Variants in FANCA observed in about 807,000 individuals in gnomAD.
FANCA encodes Fanconi anemia group A protein.
In FANCA, 236 loss-of-function variants were observed where a neutral mutation model predicts 194.3. The observed-to-expected ratio is 1.21, with a 90% confidence interval of 1.09 to 1.35. FANCA has a LOEUF of 1.35. Among genes scored for constraint, FANCA ranks in the 40% most tolerant of loss-of-function variants. FANCA has a pLI of 0.00. For missense variants in FANCA, 2,628 were observed against 1,813.9 expected, an observed-to-expected ratio of 1.45 and a Z score of -8.15; for synonymous variants, 1,014 against 715.8, an observed-to-expected ratio of 1.42 and a Z score of -6.65.
At position 89,790,418 on chromosome 16, in the gene FANCA, A is replaced by AAAAT. The variant is rs145845651; in HGVS notation, c.1359+981_1359+984dup. ...CAAAAAAATAAATAAGTAAATAAATAAAATAAATAAATAAATAAATAAAAA... is the reference window on the plus strand; with the variant it reads ...CAAAAAAATAAATAAGTAAATAAATAAAATAAATAAATAAATAAATAAATAAAAA... On this transcript the variant is annotated intron_variant, in intron 14 of 42. Transcript: ENST00000389301. Among the ~76,000 whole-genome samples, 62 of 148,998 alleles carry AAAAT rather than the reference A, an allele frequency of 4.2e-4. 1 individual carries two copies. The highest frequency in any genetic ancestry group is 1.3e-3 in the African/African-American group (51 of 40,214).
At chr16:89,758,395 T>C (rs1445919577) in intron 30 of FANCA, among the ~76,000 whole-genome samples, 182 bp downstream of exon 30, 1 of 152,156 alleles carries the variant, frequency 6.6e-6, no homozygotes, top group Non-Finnish European at 1.5e-5. Flanking sequence ...ATGCAAAGCA[T>C]TGATCCTGAG....
intron 10 of FANCA, among the ~76,000 whole-genome samples, chr16:89,797,570 G>C (rs1184099917): frequency 6.6e-6 from 1 of 152,074 alleles, no homozygotes; most frequent in African/African-American, 2.4e-5. Flanking sequence ...GACTGTTGGA[G>C]GATGTCTGAT....
chr16:89,750,043 T>G, intron 31 of FANCA, 141 bp from the exon 32 acceptor site: 4 of 857,354 alleles, frequency 4.7e-6, no homozygotes, highest in Non-Finnish European at 7.6e-6. Flanking sequence ...CTATTTCAAT[T>G]GGAAATCACT....
At chr16:89,799,142 G>C (rs753866166) in intron 10 of FANCA, 24 bp downstream of exon 10, 14 of 1,614,168 alleles carry the variant, frequency 8.7e-6, no homozygotes, top group Non-Finnish European at 1.2e-5. Flanking sequence ...TGCACACTCA[G>C]GCAGGCCACC....
intron 36 of FANCA, chr16:89,744,562 T>G (rs1168368542): frequency 3.0e-6 from 1 of 334,294 alleles, no homozygotes; most frequent in Non-Finnish European, 5.9e-6. Flanking sequence ...ACATTAGATT[T>G]AAGAGGAAGG....
rs749230291 is a variant in FANCA at position 89,770,238 on chromosome 16, G to C, written c.2244C>G (p.Leu748=). 3.2e-6 allele frequency: 5 copies of C among 1,585,202 alleles called. No homozygotes were observed. The highest frequency in any genetic ancestry group is 2.3e-5 in the East Asian group (1 of 43,930). ...PPERQGPWAA[L]FVRTMCGRVL... ...CACGTCCACACATGGTCCTCACGAA[G>C]AGGGCAGCCCAGGGACCCTGCCTGC... Residue 748 remains leucine (L), a synonymous_variant, in exon 25 of 43, where the codon CTC becomes CTG. Coordinates refer to ENST00000389301, the MANE Select transcript of FANCA (RefSeq NM_000135.4).
chr16:89,748,278 G>C (rs1036737210), intron 33 of FANCA, among the ~76,000 whole-genome samples: 1 of 151,932 alleles, frequency 6.6e-6, no homozygotes, highest in Non-Finnish European at 1.5e-5. Flanking sequence ...TGCCTGGCAG[G>C]CAACAGCGGT....
chr16:89,781,775 G>C (rs562924380), intron 17 of FANCA, among the ~76,000 whole-genome samples: 1 of 148,386 alleles, frequency 6.7e-6, no homozygotes, highest in South Asian at 2.2e-4. Context: ...CGAGACGGGC[G>C]GATCACGAGG....
At position 89,738,497 on chromosome 16, in the gene FANCA, C is replaced by G. The variant is rs55859244; in HGVS notation, c.*104G>C. 1.9e-6 allele frequency: 3 copies of G among 1,548,846 alleles called. No individual in the cohort carries two copies. The highest frequency in any genetic ancestry group is 1.1e-5 in the South Asian group (1 of 88,762). On this transcript the variant is annotated 3_prime_UTR_variant, in exon 43 of 43. Transcript: ENST00000389301. ...TGATTCCTTTCCCCACTAAAGCAGT[C>G]GAGGAGATTTGTAATCCACTTTTTA...
In FANCA at chr16:89,799,606, A is replaced by C; in HGVS notation, c.825T>G (p.Ile275Met). 6.2e-7 allele frequency: 1 copy of C among 1,613,610 alleles called. No individual in the cohort carries two copies. The highest frequency in any genetic ancestry group is 8.5e-7 in the Non-Finnish European group (1 of 1,179,512). The change falls in exon 9 of 43, where the codon ATT becomes ATG. Residue 275 changes from isoleucine (I) to methionine (M), a missense_variant and splice_region_variant. Coordinates refer to ENST00000389301, the MANE Select transcript of FANCA (RefSeq NM_000135.4). The part of the protein sequence containing the change: ...VTVDVLQRML[I>M]FALDALAAGV... ...TGGGCTGCAGTGCAATTAACTTACAAATCAGCATTCTCTGCAGTACATCAA... is the reference window on the plus strand; with the variant it reads ...TGGGCTGCAGTGCAATTAACTTACACATCAGCATTCTCTGCAGTACATCAA...
chr16:89,806,099 G>C (rs1344853074), intron 6 of FANCA, among the ~76,000 whole-genome samples: 2 of 152,082 alleles, frequency 1.3e-5, no homozygotes, highest in Admixed American at 1.3e-4. Context: ...TTTTAGTAGA[G>C]ACAGGGTTTC....
At position 89,791,651 on chromosome 16, in the gene FANCA, C is replaced by T. The variant is rs35122933; in HGVS notation, c.1226-115G>A. 1,407 of 1,439,292 alleles carry T rather than the reference C, an allele frequency of 9.8e-4. 11 individuals are homozygous for T. The African/African-American group carries it at 0.018, about 19-fold the overall frequency. The allele number at this position is 1,439,292 out of a possible 1,614,324, so 89.2% of individuals were successfully genotyped here. ...AAGGAGACTGTGCACACCCAAACACCAAGTTTTAAAAGACTACACAGCAAT... is the reference window on the plus strand; with the variant it reads ...AAGGAGACTGTGCACACCCAAACACTAAGTTTTAAAAGACTACACAGCAAT... On this transcript the variant is annotated intron_variant, in intron 13 of 42. Transcript: ENST00000389301.
rs144118098 is a variant in FANCA, at chr16:89,783,036, A to G, written c.1537T>C (p.Leu513=). 1.0e-4 allele frequency: 163 copies of G among 1,613,792 alleles called. No individual in the cohort carries two copies. In the African/African-American group the frequency reaches 1.8e-3, roughly 18 times the overall value. The change falls in exon 16 of 43, where the codon TTG becomes CTG. Residue 513 remains leucine (L), a synonymous_variant. Transcript: ENST00000389301. The part of the protein sequence containing the change: ...YRSLLTDYIS[L]AKTRLADLKV... ...AGGTCGGCCAGCCGTGTCTTGGCCAATGAGATGTAGTCTGTGAGGAGGGAG... is the reference window on the plus strand; with the variant it reads ...AGGTCGGCCAGCCGTGTCTTGGCCAGTGAGATGTAGTCTGTGAGGAGGGAG...
chr16:89,795,784 T>C (rs756993782), intron 11 of FANCA, 122 bp downstream of exon 11: 48 of 751,796 alleles, frequency 6.4e-5, no homozygotes, highest in Non-Finnish European at 1.1e-4. Context: ...AGTCTCTGGT[T>C]CAAGACAGAC....
intron 26 of FANCA, 72 bp from the exon 27 acceptor site, chr16:89,767,309 A>C (rs879729385): frequency 8.1e-6 from 9 of 1,114,890 alleles, no homozygotes; most frequent in African/African-American, 1.6e-5. Flanking sequence ...GTTACTTTGA[A>C]TTTCATAAAA....
In FANCA at chr16:89,746,607, G is replaced by A. The variant is rs545772434; in HGVS notation, c.3490C>T (p.Pro1164Ser). The change falls in exon 35 of 43, where the codon CCC (proline) becomes TCC (serine). Residue 1164 changes from proline (P) to serine (S), a missense_variant. Coordinates refer to ENST00000389301, the MANE Select transcript of FANCA (RefSeq NM_000135.4). ...FILAKCQTKC[P>S]LILTSALVWW... ...ACCAGAGCAGAGGTCAAAATTAAGG[G>A]GCATTTCGTCTGGCACTTGGCCAGT... 2.5e-6 allele frequency: 4 copies of A among 1,614,134 alleles called. No individual in the cohort carries two copies. Among genetic ancestry groups the A allele is most frequent in the Non-Finnish European group, 2.5e-6 (3 of 1,180,020 alleles).
At chr16:89,813,817 TG>T (rs2040997956) in intron 3 of FANCA, among the ~76,000 whole-genome samples, 2 of 150,842 alleles carry the variant, frequency 1.3e-5, no homozygotes, top group Non-Finnish European at 3.0e-5. Context: ...TGTGTGTGTG[TG>T]TGTGTGTGTG....
At chr16:89,791,354 G>T (rs773331217) in intron 14 of FANCA, 49 bp downstream of exon 14, 2 of 1,604,848 alleles carry the variant, frequency 1.2e-6, no homozygotes. Flanking sequence ...CCACTCCCAG[G>T]CCTTCTGGGA....
chr16:89,809,482 G>A (rs1056245098), intron 5 of FANCA, among the ~76,000 whole-genome samples: 4 of 152,136 alleles, frequency 2.6e-5, no homozygotes, highest in African/African-American at 9.6e-5. Context: ...GGGAGGCCAA[G>A]ATGGGCAGAT....
Sources: gnomAD v4.1 joint callset for allele counts (sites outside exome capture counted in the v4.1 genomes callset) on GRCh38, gnomAD v4.1.1 for gene constraint, MANE v1.5 for transcripts, NCBI Gene and HGNC (gene_info 2026-07-23, HGNC 2026-07-21) for gene names.